PAGE4: variants seen among roughly 807,000 people sequenced by gnomAD.
PAGE4 encodes PAGE family member 4.
In PAGE4, 1 loss-of-function variant was observed where a neutral mutation model predicts 8.5. That is an observed-to-expected ratio of 0.12 (90% CI 0.04 to 0.56). PAGE4 has a LOEUF of 0.56. PAGE4 is among the 20% of genes least tolerant of loss of function. PAGE4 has a pLI of 0.91. For missense variants in PAGE4, 93 were observed against 82.7 expected (o/e 1.13, Z -0.49); for synonymous variants, 26 against 26.3 (o/e 0.99, Z 0.04).
At chrX:49,830,969 G>C in intron 2 of PAGE4, 28 bp from the exon 3 acceptor site, 1 of 993,457 alleles carries the variant, frequency 1.0e-6, no homozygotes, top group Non-Finnish European at 1.4e-6. Flanking sequence ...TATTCTATTT[G>C]CATCTACTCT....
In PAGE4 at chrX:49,830,427, C is replaced by T. The variant is rs782523800; in HGVS notation, c.-2C>T. 17 of 1,186,277 alleles carry T rather than the reference C, an allele frequency of 1.4e-5. No homozygotes were observed. The highest frequency in any genetic ancestry group is 3.0e-5 in the East Asian group (1 of 33,488). On this transcript the variant is annotated 5_prime_UTR_variant, in exon 2 of 5. Coordinates refer to ENST00000218068, the MANE Select transcript of PAGE4 (RefSeq NM_007003.4). ...TCAGTTCACGATCTTCTAGTTGCAG[C>T]GATGAGTGCACGAGTGAGATCAAGA...
intron 4 of PAGE4, among the ~76,000 whole-genome samples, chrX:49,833,150 A>G (rs1602884464): frequency 8.9e-6 from 1 of 111,879 alleles, no homozygotes; most frequent in East Asian, 2.8e-4. Flanking sequence ...GGCTTAAATA[A>G]ACCAATAAGA....
Position 49,831,100 on chromosome X carries a change from A to G in PAGE4, c.166+16A>G, listed in dbSNP as rs1557156556. On this transcript the variant is annotated intron_variant, in intron 3 of 4. Transcript: ENST00000218068. Reference sequence around the variant, plus strand: ...CCGATCGAAGGTGAGAAGGGCATGGAGGAGCATTTTGTGTTTCATGTATGA... The same window carrying G: ...CCGATCGAAGGTGAGAAGGGCATGGGGGAGCATTTTGTGTTTCATGTATGA... 3.8e-6 allele frequency: 4 copies of G among 1,064,561 alleles called. No homozygotes were observed. Among genetic ancestry groups the G allele is most frequent in the South Asian group, 4.1e-5 (2 of 48,871 alleles). 87.7% of individuals were successfully genotyped at this position (1,064,561 alleles called of 1,213,427 possible).
At position 49,831,012 on chromosome X, in the gene PAGE4, C is replaced by G; in HGVS notation, c.94C>G (p.Gln32Glu). ...CTCTCAAAAGCCCGGTGAATCTCAG[C>G]AAGAGGAACCACCAACTGACAATCA... The part of the protein sequence containing the change: ...VAFVAPGESQ[Q>E]EEPPTDNQDI... Residue 32 changes from glutamine to glutamate, a missense_variant, in exon 3 of 5, where the codon CAA becomes GAA. Transcript: ENST00000218068. The G allele has an allele frequency of 8.4e-7, 1 of 1,190,030 alleles. No homozygotes were observed. The highest frequency in any genetic ancestry group is 1.1e-6 in the Non-Finnish European group (1 of 882,879).
intron 4 of PAGE4, among the ~76,000 whole-genome samples, 183 bp downstream of exon 4, chrX:49,832,833 A>G (rs1429014815): frequency 8.9e-6 from 1 of 112,199 alleles, no homozygotes; most frequent in African/African-American, 3.2e-5. Context: ...ATAAAATATG[A>G]AAGTATTATT....
chrX:49,832,189 G>A (rs969107499), intron 3 of PAGE4, among the ~76,000 whole-genome samples: 1 of 111,607 alleles, frequency 9.0e-6, no homozygotes, highest in South Asian at 3.7e-4. Flanking sequence ...AATGTACTAA[G>A]TGCTGAGGAT....
At chrX:49,830,903 C>A in intron 2 of PAGE4, 94 bp from the exon 3 acceptor site, 2 of 561,593 alleles carry the variant, frequency 3.6e-6, no homozygotes, top group Non-Finnish European at 5.9e-6. Flanking sequence ...TTGTGACTAG[C>A]TACCTTCACA....
At chrX:49,833,712 G>A in intron 4 of PAGE4, 134 bp from the exon 5 acceptor site, 5 of 457,585 alleles carry the variant, frequency 1.1e-5, no homozygotes, top group Non-Finnish European at 1.9e-5. Flanking sequence ...TAGCATAGAA[G>A]TCTATGCAGT....
At chrX:49,831,596 AT>A (rs1484045411) in intron 3 of PAGE4, among the ~76,000 whole-genome samples, 3 of 111,947 alleles carry the variant, frequency 2.7e-5, no homozygotes, top group Non-Finnish European at 5.6e-5. Flanking sequence ...TCATATATTT[AT>A]TTTTTAACTT....
Position 49,832,620 on chromosome X carries a change from A to T in PAGE4, c.262A>T (p.Asn88Tyr). ...TGATGTAAAAGAGAAGACTCCACCT[A>T]ATCCTAAGCATGCTAAGACTAAAGA... ...GSDVKEKTPP[N>Y]PKHAKTKEAG... is the part of the protein sequence containing the mutation. The change falls in exon 4 of 5, where the codon AAT becomes TAT. Residue 88 changes from asparagine to tyrosine, a missense_variant. Asn to Tyr is a moderately radical substitution (Grantham distance 143, BLOSUM62 -2). Coordinates refer to ENST00000218068, the MANE Select transcript of PAGE4 (RefSeq NM_007003.4). 1 of 1,202,748 alleles carries T rather than the reference A, an allele frequency of 8.3e-7. No homozygotes were observed. Among genetic ancestry groups the T allele is most frequent in the Admixed American group, 2.2e-5 (1 of 45,133 alleles).
chrX:49,833,722 T>C, intron 4 of PAGE4, 124 bp from the exon 5 acceptor site: 1 of 478,248 alleles, frequency 2.1e-6, no homozygotes, highest in Non-Finnish European at 3.7e-6. Context: ...GTCTATGCAG[T>C]GGTTAGCGTT....
rs782539866 is a variant in PAGE4, at chrX:49,832,286, A to G, written c.167-239A>G. ...AAATAACTGCTGTAATGAGTGATTTACAGTAACAGAAGTATATGTAGATTG... is the reference window on the plus strand; with the variant it reads ...AAATAACTGCTGTAATGAGTGATTTGCAGTAACAGAAGTATATGTAGATTG... On this transcript the variant is annotated intron_variant, in intron 3 of 4. Transcript: ENST00000218068. 9.6e-4 allele frequency among the ~76,000 whole-genome samples: 108 copies of G among 111,977 alleles called. 1 individual carries two copies. Among genetic ancestry groups the G allele is most frequent in the Non-Finnish European group, 1.6e-3 (86 of 53,148 alleles).
chrX:49,832,052 A>G (rs1923493654), intron 3 of PAGE4, among the ~76,000 whole-genome samples: 1 of 111,849 alleles, frequency 8.9e-6, no homozygotes, highest in African/African-American at 3.2e-5. Flanking sequence ...TTTGCATATC[A>G]TGACATTGAC....
Position 49,830,520 on chromosome X carries a change from A to C in PAGE4, c.78+14A>C. On this transcript the variant is annotated intron_variant, in intron 2 of 4. Coordinates refer to ENST00000218068, the MANE Select transcript of PAGE4 (RefSeq NM_007003.4). Reference sequence around the variant, plus strand: ...GCATTCGTGGCTGTGAGTACATTTCAGTATCTTATTTCCATTGGCAGAAAT... The same window carrying C: ...GCATTCGTGGCTGTGAGTACATTTCCGTATCTTATTTCCATTGGCAGAAAT... 9.1e-7 allele frequency: 1 copy of C among 1,104,224 alleles called. No homozygotes were observed. Among genetic ancestry groups the C allele is most frequent in the Non-Finnish European group, 1.2e-6 (1 of 805,182 alleles). 91.0% of individuals were successfully genotyped at this position (1,104,224 alleles called of 1,213,427 possible). A position where few individuals can be genotyped will look rare whatever the true frequency, so the allele number is the denominator to read the frequency against.
chrX:49,830,253 A>G, intron 1 of PAGE4, 146 bp from the exon 2 acceptor site: 1 of 376,193 alleles, frequency 2.7e-6, no homozygotes, highest in Non-Finnish European at 4.6e-6. Context: ...AGCAGTTTGC[A>G]GATAGATTTA....
At chrX:49,830,576 G>T (rs898954038) in intron 2 of PAGE4, 70 bp downstream of exon 2, 2 of 758,708 alleles carry the variant, frequency 2.6e-6, no homozygotes, top group Non-Finnish European at 3.9e-6. Context: ...CTAAAACATT[G>T]TTAACCAATA....
At position 49,833,790 on chromosome X, in the gene PAGE4, T is replaced by A. The variant is rs1188799248; in HGVS notation, c.293-56T>A. ...TAGTGTTCTTTGTGTGCTTTTAGTG[T>A]CATCTCAGTAAAGTTCTGCTAAGTA... is the stretch of plus-strand genomic sequence containing the variant. On this transcript the variant is annotated intron_variant, in intron 4 of 4. Transcript: ENST00000218068. 1.1e-5 allele frequency: 10 copies of A among 931,365 alleles called. No individual in the cohort carries two copies. The Admixed American group carries it at 2.2e-4, about 20-fold the overall frequency. 76.8% of individuals were successfully genotyped at this position (931,365 alleles called of 1,213,427 possible).
chrX:49,829,533 A>G (rs2280893), intron 1 of PAGE4, 182 bp downstream of exon 1: 13,707 of 111,348 alleles, frequency 0.12, 961 homozygotes, highest in Admixed American at 0.31. Flanking sequence ...GTCAGCCAAG[A>G]TGCTGTGAGT....
At chrX:49,833,508 T>C (rs782585668) in intron 4 of PAGE4, among the ~76,000 whole-genome samples, 1 of 112,271 alleles carries the variant, frequency 8.9e-6, no homozygotes, top group South Asian at 3.7e-4. Flanking sequence ...TTTTGCTTCT[T>C]GGACTTTTTG....
Sources: gnomAD v4.1 joint callset for allele counts (sites outside exome capture counted in the v4.1 genomes callset) on GRCh38, gnomAD v4.1.1 for gene constraint, MANE v1.5 for transcripts, NCBI Gene and HGNC (gene_info 2026-07-23, HGNC 2026-07-21) for gene names.